Variants in NAV2 observed in about 807,000 individuals in gnomAD.
NAV2 encodes the protein neuron navigator 2.
In NAV2, 54 loss-of-function variants were observed where a neutral mutation model predicts 223.2. That is an observed-to-expected ratio of 0.24 (90% CI 0.19 to 0.30). NAV2 has a LOEUF of 0.30. Ranked by LOEUF, NAV2 falls within the 10% of genes least tolerant of loss-of-function variation. The probability of loss-of-function intolerance (pLI) is 1.00; values close to 1 mark genes in which losing one functional copy is unlikely to be tolerated. For synonymous variants in NAV2, 1,279 were observed against 1,239.3 expected, an observed-to-expected ratio of 1.03 and a Z score of -0.67; for missense variants, 2,806 against 3,147.5, an observed-to-expected ratio of 0.89 and a Z score of 2.60.
At chr11:19,703,948 C>T (rs2049584494) in intron 1 of NAV2, among the ~76,000 whole-genome samples, 1 of 151,516 alleles carries the variant, frequency 6.6e-6, no homozygotes, top group South Asian at 2.1e-4. Context: ...GGGAGGACCA[C>T]TAATTCAGAG....
chr11:19,402,840 A>C (rs1296785548), intron 1 of NAV2, among the ~76,000 whole-genome samples: 1 of 152,218 alleles, frequency 6.6e-6, no homozygotes, highest in East Asian at 1.9e-4. Flanking sequence ...TTGTGAACTG[A>C]ATGTATGAGT....
chr11:19,482,733 A>G (rs2042318337), intron 1 of NAV2, among the ~76,000 whole-genome samples: 1 of 152,244 alleles, frequency 6.6e-6, no homozygotes, highest in African/African-American at 2.4e-5. Flanking sequence ...AATGCATATC[A>G]GGACCACCTG....
chr11:19,624,396 G>A (rs942995828), intron 1 of NAV2, among the ~76,000 whole-genome samples: 2 of 152,144 alleles, frequency 1.3e-5, no homozygotes, highest in African/African-American at 4.8e-5. Flanking sequence ...AGGCCTCCTC[G>A]AGCTGCTCAG....
At chr11:19,669,676 C>G (rs756327461) in intron 1 of NAV2, among the ~76,000 whole-genome samples, 2 of 152,208 alleles carry the variant, frequency 1.3e-5, no homozygotes, top group African/African-American at 2.4e-5. Context: ...AGCCTTTGAG[C>G]CAGAAGCACC....
intron 6 of NAV2, among the ~76,000 whole-genome samples, chr11:19,911,861 G>A (rs981152647): frequency 1.3e-5 from 2 of 152,180 alleles, no homozygotes; most frequent in Non-Finnish European, 2.9e-5. Flanking sequence ...CGGTTTATTT[G>A]TGGACATGGG....
chr11:19,577,673 G>A (rs1037115031), intron 1 of NAV2, among the ~76,000 whole-genome samples: 2 of 152,096 alleles, frequency 1.3e-5, no homozygotes, highest in Admixed American at 1.3e-4. Context: ...CTGGCATGGG[G>A]TGAGCAGCCT....
intron 1 of NAV2, among the ~76,000 whole-genome samples, chr11:19,550,103 GA>G (rs1485284128): frequency 1.3e-5 from 2 of 152,192 alleles, no homozygotes; most frequent in Non-Finnish European, 2.9e-5. Flanking sequence ...TTTATTGCCT[GA>G]AAATGAGATT....
chr11:19,764,813 A>C (rs2055073760), intron 1 of NAV2, among the ~76,000 whole-genome samples: 1 of 152,192 alleles, frequency 6.6e-6, no homozygotes. Context: ...CATCTCACAG[A>C]CTGTTTCTCC....
In NAV2 at chr11:19,478,877, A is replaced by G. The variant is rs1420701877; in HGVS notation, c.75+127850A>G. On this transcript the variant is annotated intron_variant, in intron 1 of 37. Coordinates refer to the NAV2 transcript ENST00000360655. Reference sequence around the variant, plus strand: ...ATTTTAGAAACGAGGCTTTCCCCCTAATGAGTTAATTAAAAGGAGGCTTTG... The same window carrying G: ...ATTTTAGAAACGAGGCTTTCCCCCTGATGAGTTAATTAAAAGGAGGCTTTG... Among the ~76,000 whole-genome samples, 5 of 152,194 alleles carry G rather than the reference A, an allele frequency of 3.3e-5. No homozygotes were observed. The South Asian group carries it at 6.2e-4, about 19-fold the overall frequency.
At chr11:20,057,134 C>T (rs1313772861) in intron 19 of NAV2, among the ~76,000 whole-genome samples, 1 of 152,074 alleles carries the variant, frequency 6.6e-6, no homozygotes, top group Non-Finnish European at 1.5e-5. Context: ...ATAGGTGCTT[C>T]CCGGTCCCCA....
At chr11:19,962,016 C>G (rs1487903847) in intron 10 of NAV2, among the ~76,000 whole-genome samples, 1 of 151,636 alleles carries the variant, frequency 6.6e-6, no homozygotes, top group African/African-American at 2.4e-5. Context: ...TGTCATTGAG[C>G]AAGTCCAAAA....
chr11:19,988,480 T>G (rs2051005610), intron 11 of NAV2, among the ~76,000 whole-genome samples: 2 of 152,134 alleles, frequency 1.3e-5, no homozygotes, highest in Non-Finnish European at 2.9e-5. Context: ...GCCTGAAACT[T>G]GAACAAAATG....
At chr11:19,694,181 G>A (rs910061623) in intron 1 of NAV2, among the ~76,000 whole-genome samples, 1 of 152,184 alleles carries the variant, frequency 6.6e-6, no homozygotes, top group African/African-American at 2.4e-5. Flanking sequence ...GAGGAGAGTA[G>A]GACAGGGACA....
At position 20,008,157 on chromosome 11, in the gene NAV2, A is replaced by G. The variant is rs193221722; in HGVS notation, c.2768+23910A>G. Among the ~76,000 whole-genome samples, 25 of 152,286 alleles carry G rather than the reference A, an allele frequency of 1.6e-4. No individual in the cohort carries two copies. The East Asian group carries it at 4.8e-3, about 29-fold the overall frequency. Reference sequence around the variant, plus strand: ...CAAGGCGGGCAGATCACCTGAGGTCAGGAGTTCAAGACCGGCCTGGCCAAC... The same window carrying G: ...CAAGGCGGGCAGATCACCTGAGGTCGGGAGTTCAAGACCGGCCTGGCCAAC... On this transcript the variant is annotated intron_variant, in intron 11 of 37. Transcript: ENST00000349880.
chr11:19,580,334 C>CTT (rs35679395), intron 1 of NAV2, among the ~76,000 whole-genome samples: 1 of 149,354 alleles, frequency 6.7e-6, no homozygotes, highest in South Asian at 2.1e-4. Context: ...ATTTTTCTTT[C>CTT]TTTTTTTTTT....
chr11:19,587,106 G>A (rs975339184), intron 1 of NAV2, among the ~76,000 whole-genome samples: 31 of 152,180 alleles, frequency 2.0e-4, no homozygotes, highest in Admixed American at 1.5e-3. Flanking sequence ...CCTTGCTGCC[G>A]CCTTGCAGTT....
intron 34 of NAV2, chr11:20,104,158 G>A (rs2061849733): frequency 5.2e-6 from 1 of 191,290 alleles, no homozygotes; most frequent in Non-Finnish European, 1.1e-5. Context: ...AGCTGGGTCT[G>A]TGGGCCCTCG....
At chr11:19,551,252 C>T (rs2044680407) in intron 1 of NAV2, among the ~76,000 whole-genome samples, 1 of 152,248 alleles carries the variant, frequency 6.6e-6, no homozygotes, top group Non-Finnish European at 1.5e-5. Context: ...TTGGCAGGCT[C>T]ACTTGTCATT....
At chr11:19,672,262 A>T (rs1356769656) in intron 1 of NAV2, among the ~76,000 whole-genome samples, 1 of 152,112 alleles carries the variant, frequency 6.6e-6, no homozygotes, top group African/African-American at 2.4e-5. Context: ...ATGCTCAAGA[A>T]ATATTTGGGA....
Sources: gnomAD v4.1 joint callset for allele counts (sites outside exome capture counted in the v4.1 genomes callset) on GRCh38, gnomAD v4.1.1 for gene constraint, MANE v1.5 for transcripts, NCBI Gene and HGNC (gene_info 2026-07-23, HGNC 2026-07-21) for gene names.